The following KCNJ6 variants were observed in gnomAD, a reference collection of about 807,000 sequenced individuals.
KCNJ6 encodes G protein-activated inward rectifier potassium channel 2.
In KCNJ6, 9 loss-of-function variants were observed where a neutral mutation model predicts 34.2. The ratio of observed to expected loss-of-function variants is 0.26; its 90% confidence interval spans 0.16 to 0.46. The LOEUF (loss-of-function observed/expected upper bound fraction) is 0.46, where lower values mean the gene tolerates loss of function less well. Among genes scored for constraint, KCNJ6 ranks in the 20% least tolerant of loss-of-function variants. KCNJ6 has a pLI of 1.00. For missense variants in KCNJ6, 236 were observed against 531.3 expected (o/e 0.44, Z 5.46); for synonymous variants, 196 against 207.1 (o/e 0.95, Z 0.46).
intron 3 of KCNJ6, among the ~76,000 whole-genome samples, chr21:37,667,581 G>T (rs1293390197): frequency 1.3e-5 from 2 of 150,854 alleles, no homozygotes; most frequent in African/African-American, 4.9e-5. Context: ...GGTAGTGGGT[G>T]CTGGGGTAGC....
intron 3 of KCNJ6, among the ~76,000 whole-genome samples, chr21:37,703,822 C>A (rs1345009651): frequency 6.0e-5 from 1 of 16,786 alleles, no homozygotes; most frequent in Non-Finnish European, 1.0e-4. Flanking sequence ...GGACACCTTG[C>A]CTGGCTGGCA....
chr21:37,629,137 A>T (rs2054323161), intron 3 of KCNJ6, among the ~76,000 whole-genome samples: 1 of 152,222 alleles, frequency 6.6e-6, no homozygotes, highest in Non-Finnish European at 1.5e-5. Flanking sequence ...CGTAACTCAA[A>T]TCCACATGAA....
rs148507481 is a variant in KCNJ6 at position 37,623,301 on chromosome 21, G to A, written c.*1858C>T. 1 of 152,320 alleles carries A rather than the reference G, an allele frequency of 6.6e-6. No homozygotes were observed. Among genetic ancestry groups the A allele is most frequent in the East Asian group, 1.9e-4 (1 of 5,180 alleles). 9.4% of individuals were successfully genotyped at this position (152,320 alleles called of 1,614,324 possible). On this transcript the variant is annotated 3_prime_UTR_variant, in exon 4 of 4. Coordinates refer to ENST00000609713, the MANE Select transcript of KCNJ6 (RefSeq NM_002240.5). ...ACAAGGTCCCCAGACTACACCAAAGGCCTGTGCGATCAGGTCAGGGAAGGC... is the reference window on the plus strand; with the variant it reads ...ACAAGGTCCCCAGACTACACCAAAGACCTGTGCGATCAGGTCAGGGAAGGC...
chr21:37,640,604 A>G (rs764235904), intron 3 of KCNJ6, among the ~76,000 whole-genome samples: 6 of 152,240 alleles, frequency 3.9e-5, no homozygotes, highest in Non-Finnish European at 8.8e-5. Context: ...TTTCAAGTGG[A>G]ATAAAAACCT....
chr21:37,615,241 A>ATTTTTTTTTT lies in KCNJ6; in HGVS notation c.*9917_*9918insAAAAAAAAAA, dbSNP rs2054262036. On this transcript the variant is annotated 3_prime_UTR_variant, in exon 4 of 4. Transcript: ENST00000609713. ...CAGACCCTCGACTGACATTCCCAGC[A>ATTTTTTTTTT]TTCTTTTTTTTTTTTTTTTTTTTTT... 2.7e-5 allele frequency: 3 copies of ATTTTTTTTTT among 111,856 alleles called. 1 individual carries two copies. The highest frequency in any genetic ancestry group is 3.8e-5 in the African/African-American group (1 of 26,214). The allele number at this position is 111,856 out of a possible 1,614,324, so 6.9% of individuals were successfully genotyped here.
In KCNJ6 at chr21:37,625,219, G is replaced by A. The variant is rs574375636; in HGVS notation, c.1212C>T (p.Leu404=). The change falls in exon 4 of 4, where the codon CTC becomes CTT. Residue 404 remains leucine, a synonymous_variant. Coordinates refer to ENST00000609713, the MANE Select transcript of KCNJ6 (RefSeq NM_002240.5). ...CACCATTTCTTTCTGTTTGCTCTTCGAGGTTCTTTTCTTCCTCTTCAGTCT... is the reference window on the plus strand; with the variant it reads ...CACCATTTCTTTCTGTTTGCTCTTCAAGGTTCTTTTCTTCCTCTTCAGTCT... ...ELETEEEEKN[L]EEQTERNGDV... is the part of the protein sequence containing the mutation. The A allele has an allele frequency of 4.3e-6, 7 of 1,614,164 alleles. No homozygotes were observed. The highest frequency in any genetic ancestry group is 2.2e-5 in the South Asian group (2 of 91,080).
At chr21:37,770,805 G>T (rs1426916169) in intron 2 of KCNJ6, among the ~76,000 whole-genome samples, 1 of 151,896 alleles carries the variant, frequency 6.6e-6, no homozygotes, top group Non-Finnish European at 1.5e-5. Context: ...CTATTTTGAG[G>T]GGATATATTT....
intron 1 of KCNJ6, among the ~76,000 whole-genome samples, chr21:37,848,795 T>C (rs1415061184): frequency 6.6e-6 from 1 of 152,112 alleles, no homozygotes; most frequent in Non-Finnish European, 1.5e-5. Flanking sequence ...GTAGCAGAGA[T>C]AAGAGTAAGA....
intron 3 of KCNJ6, among the ~76,000 whole-genome samples, chr21:37,700,525 TTA>T (rs1293045864): frequency 6.6e-6 from 1 of 152,174 alleles, no homozygotes. Context: ...GATGAGATTT[TTA>T]TGTTACAAAG....
chr21:37,871,887 T>C (rs1044993713), intron 1 of KCNJ6, among the ~76,000 whole-genome samples: 7 of 152,242 alleles, frequency 4.6e-5, no homozygotes, highest in African/African-American at 1.7e-4. Context: ...TCTTGGACAT[T>C]AGGCAGCTGT....
chr21:37,759,135 C>T (rs186109683), intron 2 of KCNJ6, among the ~76,000 whole-genome samples: 21 of 152,246 alleles, frequency 1.4e-4, no homozygotes, highest in East Asian at 9.7e-4. Context: ...GAGATCAGCT[C>T]GCAGTTCAGC....
chr21:37,875,403 C>T (rs1337215629), intron 1 of KCNJ6, among the ~76,000 whole-genome samples: 1 of 152,186 alleles, frequency 6.6e-6, no homozygotes, highest in Admixed American at 6.5e-5. Context: ...CCTCCTCCCC[C>T]TTCTTCCCAG....
Position 37,805,448 on chromosome 21 carries a change from C to T in KCNJ6, c.25+35210G>A, listed in dbSNP as rs73411855. Among the ~76,000 whole-genome samples the T allele has an allele frequency of 5.7e-3, 863 of 151,848 alleles. 8 individuals carry two copies. The highest frequency in any genetic ancestry group is 0.022 in the South Asian group (108 of 4,802). ...AGCTGCCTCTTCCTTCCCCATTTGG[C>T]GTTTGGTGTTATCACTTCCTGAGCA... On this transcript the variant is annotated intron_variant, in intron 2 of 3. Coordinates refer to ENST00000609713, the MANE Select transcript of KCNJ6 (RefSeq NM_002240.5).
At chr21:37,830,988 C>T (rs1412185970) in intron 2 of KCNJ6, among the ~76,000 whole-genome samples, 2 of 152,114 alleles carry the variant, frequency 1.3e-5, no homozygotes, top group Non-Finnish European at 2.9e-5. Context: ...ATAAAAACTA[C>T]AGGATCAAGA....
At chr21:37,646,824 C>T (rs1181593341) in intron 3 of KCNJ6, among the ~76,000 whole-genome samples, 2 of 152,096 alleles carry the variant, frequency 1.3e-5, no homozygotes, top group Non-Finnish European at 2.9e-5. Context: ...GCGCCTGCCA[C>T]CACGCCCGGC....
chr21:37,692,157 A>G (rs1482420097), intron 3 of KCNJ6, among the ~76,000 whole-genome samples: 2 of 152,176 alleles, frequency 1.3e-5, no homozygotes, highest in East Asian at 1.9e-4. Context: ...GCACATGTAT[A>G]CCTATGTAAC....
At chr21:37,905,074 G>A (rs1200339548) in intron 1 of KCNJ6, among the ~76,000 whole-genome samples, 1 of 152,232 alleles carries the variant, frequency 6.6e-6, no homozygotes, top group African/African-American at 2.4e-5. Flanking sequence ...CCCATGCAGT[G>A]TGGTGTGAGA....
chr21:37,785,104 AG>A (rs2055186814), intron 2 of KCNJ6, among the ~76,000 whole-genome samples: 1 of 152,158 alleles, frequency 6.6e-6, no homozygotes, highest in South Asian at 2.1e-4. Context: ...AGCTGACAGG[AG>A]TGGATTCACT....
intron 2 of KCNJ6, among the ~76,000 whole-genome samples, chr21:37,809,817 T>C (rs941337188): frequency 2.0e-5 from 3 of 152,176 alleles, no homozygotes; most frequent in Non-Finnish European, 2.9e-5. Flanking sequence ...CGATACTGCA[T>C]AGTCTTTCTC....
Sources: allele counts gnomAD v4.1 joint callset (sites outside exome capture counted in the v4.1 genomes callset), GRCh38; gene constraint gnomAD v4.1.1; transcripts MANE v1.5; gene names NCBI Gene and HGNC (gene_info 2026-07-23, HGNC 2026-07-21).